NRXN3: variants seen among roughly 807,000 people sequenced by gnomAD.
NRXN3 encodes neurexin 3.
Under a neutral mutation model 137.6 loss-of-function variants are expected in NRXN3, and 32 were observed. The ratio of observed to expected loss-of-function variants is 0.23; its 90% confidence interval spans 0.18 to 0.31. NRXN3 has a LOEUF of 0.31. NRXN3 is among the 10% of genes least tolerant of loss of function. The pLI is 1.00. For missense variants in NRXN3, 1,574 were observed against 2,062.5 expected (o/e 0.76, Z 4.59); for synonymous variants, 798 against 784.5 (o/e 1.02, Z -0.29).
chr14:79,483,123 C>T (rs2096624283), intron 16 of NRXN3, among the ~76,000 whole-genome samples: 1 of 152,106 alleles, frequency 6.6e-6, no homozygotes, highest in African/African-American at 2.4e-5. Flanking sequence ...AAATCTCAAT[C>T]TTTTATTTAA....
chr14:78,239,961 C>A (rs1342580950), intron 1 of NRXN3, among the ~76,000 whole-genome samples: 1 of 152,220 alleles, frequency 6.6e-6, no homozygotes, highest in Non-Finnish European at 1.5e-5. Context: ...ACCTCGGCCT[C>A]CCAAAGTGCT....
chr14:78,737,575 A>G (rs567205289), intron 8 of NRXN3, among the ~76,000 whole-genome samples: 5 of 152,122 alleles, frequency 3.3e-5, no homozygotes, highest in African/African-American at 1.2e-4. Flanking sequence ...CTCTCATCCC[A>G]GTCCTCAGGT....
chr14:78,268,949 A>G (rs1011928870), intron 2 of NRXN3, among the ~76,000 whole-genome samples: 1 of 152,096 alleles, frequency 6.6e-6, no homozygotes, highest in South Asian at 2.1e-4. Context: ...TTTTTTTGAC[A>G]CTAAGATCTA....
chr14:78,876,020 C>G (rs1159495483), intron 10 of NRXN3, among the ~76,000 whole-genome samples: 1 of 152,096 alleles, frequency 6.6e-6, no homozygotes, highest in African/African-American at 2.4e-5. Flanking sequence ...GGCCCCATTT[C>G]TTATGTCTAT....
intron 19 of NRXN3, among the ~76,000 whole-genome samples, chr14:79,729,966 G>A (rs1372153223): frequency 1.3e-5 from 2 of 152,114 alleles, no homozygotes; most frequent in Non-Finnish European, 2.9e-5. Flanking sequence ...TAGGCTTGGA[G>A]AGTGGTGGGT....
At chr14:79,087,709 A>G (rs1010097689) in intron 15 of NRXN3, among the ~76,000 whole-genome samples, 2 of 152,134 alleles carry the variant, frequency 1.3e-5, no homozygotes, top group South Asian at 2.1e-4. Context: ...ATTTAACCCA[A>G]TCAAAACCAA....
rs191881261 is a variant in NRXN3, at chr14:79,285,142, A to T, written c.3263-182079A>T. Among the ~76,000 whole-genome samples, 222 of 152,164 alleles carry T rather than the reference A, an allele frequency of 1.5e-3. 2 individuals are homozygous for T. Among genetic ancestry groups the T allele is most frequent in the Non-Finnish European group, 2.8e-3 (193 of 68,000 alleles). On this transcript the variant is annotated intron_variant, in intron 15 of 20. Coordinates refer to ENST00000335750, the MANE Select transcript of NRXN3 (RefSeq NM_001330195.2). ...GGTGGTGTGGAGTAGGGGCAGCTAT[A>T]TCATAGAGAGGAGAGATAAGATCAT...
At chr14:78,172,729 C>T (rs940574574) in intron 1 of NRXN3, among the ~76,000 whole-genome samples, 3 of 151,968 alleles carry the variant, frequency 2.0e-5, no homozygotes, top group Admixed American at 6.6e-5. Context: ...TAAAAACAAC[C>T]GGACTGTGCG....
At chr14:78,783,820 CA>C (rs1440133016) in intron 8 of NRXN3, among the ~76,000 whole-genome samples, 1 of 151,812 alleles carries the variant, frequency 6.6e-6, no homozygotes, top group Non-Finnish European at 1.5e-5. Context: ...ATGTATGTAC[CA>C]GATAGAAGGC....
At chr14:78,217,703 C>G (rs1053080329) in intron 1 of NRXN3, among the ~76,000 whole-genome samples, 1 of 152,184 alleles carries the variant, frequency 6.6e-6, no homozygotes, top group Non-Finnish European at 1.5e-5. Flanking sequence ...GCTCTGTCGC[C>G]TGGGCTGGAG....
At chr14:78,616,215 G>C (rs2097346078) in intron 4 of NRXN3, among the ~76,000 whole-genome samples, 1 of 152,126 alleles carries the variant, frequency 6.6e-6, no homozygotes. Context: ...TTAGGATAAA[G>C]TCCAAACTTC....
At chr14:78,505,816 G>T (rs1251356026) in intron 4 of NRXN3, among the ~76,000 whole-genome samples, 1 of 151,918 alleles carries the variant, frequency 6.6e-6, no homozygotes, top group African/African-American at 2.4e-5. Flanking sequence ...AAGTTTTTCT[G>T]ATTTTTAAAA....
At chr14:78,270,586 G>A (rs563619468) in intron 2 of NRXN3, among the ~76,000 whole-genome samples, 1 of 152,198 alleles carries the variant, frequency 6.6e-6, no homozygotes, top group Non-Finnish European at 1.5e-5. Flanking sequence ...TTGTTTGCAA[G>A]GCTTAAACAG....
At chr14:78,645,040 G>A (rs2097673177) in intron 4 of NRXN3, 80 bp from the exon 5 acceptor site, 1 of 1,268,430 alleles carries the variant, frequency 7.9e-7, no homozygotes, top group African/African-American at 1.5e-5. Context: ...TGCCCCTGCG[G>A]TGTGTTCTCT....
intron 10 of NRXN3, among the ~76,000 whole-genome samples, chr14:78,926,984 T>A (rs574227960): frequency 2.3e-4 from 11 of 46,886 alleles, no homozygotes; most frequent in East Asian, 9.3e-4. Context: ...TAATATATTT[T>A]TATATATATA....
chr14:78,592,931 A>G (rs2097129180), intron 4 of NRXN3, among the ~76,000 whole-genome samples: 1 of 152,160 alleles, frequency 6.6e-6, no homozygotes, highest in South Asian at 2.1e-4. Flanking sequence ...TTGGCTTGCA[A>G]AGTGGAAAGA....
At chr14:78,775,057 T>G (rs2098740665) in intron 8 of NRXN3, among the ~76,000 whole-genome samples, 1 of 152,222 alleles carries the variant, frequency 6.6e-6, no homozygotes, top group African/African-American at 2.4e-5. Context: ...ATCAGTAGAT[T>G]TATCTGTATC....
chr14:79,083,227 A>G (rs962181586), intron 15 of NRXN3, among the ~76,000 whole-genome samples: 1 of 152,212 alleles, frequency 6.6e-6, no homozygotes, highest in Non-Finnish European at 1.5e-5. Context: ...TTCCATTGCC[A>G]GTCACTCTGT....
intron 16 of NRXN3, among the ~76,000 whole-genome samples, chr14:79,657,766 C>T (rs1018368497): frequency 6.6e-6 from 1 of 152,162 alleles, no homozygotes; most frequent in Non-Finnish European, 1.5e-5. Flanking sequence ...AGCTGTAACT[C>T]ATCTTTTTGT....
Sources: allele counts gnomAD v4.1 joint callset (sites outside exome capture counted in the v4.1 genomes callset), GRCh38; gene constraint gnomAD v4.1.1; transcripts MANE v1.5; gene names NCBI Gene and HGNC (gene_info 2026-07-23, HGNC 2026-07-21).